AGAP1: variants seen among roughly 807,000 people sequenced by gnomAD.
AGAP1 encodes arf-GAP with GTPase, ANK repeat and PH domain-containing protein 1.
A neutral mutation model predicts 105.3 loss-of-function variants in AGAP1; 29 were observed. The ratio of observed to expected loss-of-function variants is 0.28; its 90% CI spans 0.21 to 0.38. The LOEUF (loss-of-function observed/expected upper bound fraction) is 0.38. AGAP1 is among the 10% of genes least tolerant of loss of function. The probability of loss-of-function intolerance (pLI) is 1.00; values close to 1 mark genes in which losing one functional copy is unlikely to be tolerated. For synonymous variants in AGAP1, 509 were observed against 485.9 expected, an observed-to-expected ratio of 1.05 and a Z score of -0.63; for missense variants, 998 against 1,165.1, an observed-to-expected ratio of 0.86 and a Z score of 2.09.
Position 235,663,583 on chromosome 2 carries a change from C to A in AGAP1, c.164-45596C>A. 6.6e-6 allele frequency among the ~76,000 whole-genome samples: 1 copy of A among 152,214 alleles called. No individual in the cohort carries two copies. The highest frequency in any genetic ancestry group is 2.4e-5 in the African/African-American group (1 of 41,540). On this transcript the variant is annotated intron_variant, in intron 1 of 17. Transcript: ENST00000304032. The surrounding 1 kb of genome is among the most constrained non-coding windows in gnomAD (Gnocchi z 5.4). ...ATGGGGCTGGCAAAAATTCCCAGGG[C>A]ATCGTTTGTGGCCTCAATGTGATTT...
rs867353968 is a variant in AGAP1, at chr2:235,732,092, C to T, written c.311-8871C>T. ...ACATTTTCCTGGTGTATCGCGTGCA[C>T]TTTTGATCTGCGGATTCAGATCTTT... On this transcript the variant is annotated intron_variant, in intron 3 of 17. Transcript: ENST00000304032. This position sits in a 1 kb window ranked among gnomAD's most constrained non-coding sequence, Gnocchi z 4.8. 8.5e-5 allele frequency among the ~76,000 whole-genome samples: 13 copies of T among 152,286 alleles called. No individual in the cohort carries two copies. Among genetic ancestry groups the T allele is most frequent in the African/African-American group, 2.9e-4 (12 of 41,562 alleles).
Position 235,614,997 on chromosome 2 carries a change from G to A in AGAP1, c.164-94182G>A, listed in dbSNP as rs1051082361. Among the ~76,000 whole-genome samples, 1 of 152,204 alleles carries A rather than the reference G, an allele frequency of 6.6e-6. No individual in the cohort carries two copies. On this transcript the variant is annotated intron_variant, in intron 1 of 17. Transcript: ENST00000304032. This position sits in a 1 kb window ranked among gnomAD's most constrained non-coding sequence, Gnocchi z 4.7. ...CCTGTGTGTGGTGCGCTCAAATAAA[G>A]GAGGCTGTTCAAGGTGAGTGGTTTT...
chr2:235,704,981 T>C (rs1403150855), intron 1 of AGAP1, among the ~76,000 whole-genome samples: 1 of 132,812 alleles, frequency 7.5e-6, no homozygotes, highest in African/African-American at 2.9e-5. Flanking sequence ...TTTTTTTTTT[T>C]TTTTTTTTTT....
rs191939859 is a variant in AGAP1 at position 236,102,277 on chromosome 2, C to T, written c.2115-17915C>T. Among the ~76,000 whole-genome samples, 716 of 151,754 alleles carry T rather than the reference C, an allele frequency of 4.7e-3. 10 individuals carry two copies. The highest frequency in any genetic ancestry group is 0.016 in the African/African-American group (674 of 41,464). On this transcript the variant is annotated intron_variant, in intron 16 of 17. Transcript: ENST00000304032. ...CTAAAAATACAAAAAATTAGCCGGG[C>T]GTGGTGGCGGGTGCCTGTGGTCCGA...
chr2:235,763,645 TGTCCTAATTCA>T (rs1954653419), intron 6 of AGAP1, among the ~76,000 whole-genome samples: 1 of 152,208 alleles, frequency 6.6e-6, no homozygotes, highest in East Asian at 1.9e-4. Flanking sequence ...CCAGGAGACC[TGTCCTAATTCA>T]GCGTTCTCCA....
chr2:235,940,889 A>G (rs964937656), intron 12 of AGAP1, among the ~76,000 whole-genome samples: 1 of 152,166 alleles, frequency 6.6e-6, no homozygotes, highest in African/African-American at 2.4e-5. Context: ...ATTGCACGGT[A>G]ATATGCTGAG....
rs998016198 is a variant in AGAP1 at position 235,993,455 on chromosome 2, T to C, written c.1645+24832T>C. Among the ~76,000 whole-genome samples, 2 of 152,224 alleles carry C rather than the reference T, an allele frequency of 1.3e-5. No individual in the cohort carries two copies. On this transcript the variant is annotated intron_variant, in intron 13 of 17. Transcript: ENST00000304032. The surrounding 1 kb of genome is among the most constrained non-coding windows in gnomAD (Gnocchi z 5.0). The stretch of plus-strand genomic sequence containing the variant: ...GTGGTATGTCCCTGATGGAAACTGC[T>C]TCTCAAAGTGGAAGACAGGGAGCAC...
In AGAP1 at chr2:235,686,552, T is replaced by TAC. The variant is rs1464294088; in HGVS notation, c.164-22626_164-22625insCA. On this transcript the variant is annotated intron_variant, in intron 1 of 17. Coordinates refer to ENST00000304032, the MANE Select transcript of AGAP1 (RefSeq NM_001037131.3). ...TTCTGGTTCCCAGGAAGGAGATATATATATACACACACACACACACACACA... is the reference window on the plus strand; with the variant it reads ...TTCTGGTTCCCAGGAAGGAGATATATACATATACACACACACACACACACACA... 6.8e-4 allele frequency among the ~76,000 whole-genome samples: 37 copies of TAC among 54,342 alleles called. 1 individual carries two copies. Among genetic ancestry groups the TAC allele is most frequent in the African/African-American group, 2.1e-3 (34 of 16,274 alleles). 35.7% of individuals were successfully genotyped at this position (54,342 alleles called of 152,430 possible). A position where few individuals can be genotyped will look rare whatever the true frequency, so the allele number is the denominator to read the frequency against.
chr2:235,900,781 C>T lies in AGAP1; in HGVS notation c.1156-7957C>T, dbSNP rs1432914848. On this transcript the variant is annotated intron_variant, in intron 10 of 17. Coordinates refer to ENST00000304032, the MANE Select transcript of AGAP1 (RefSeq NM_001037131.3). The surrounding 1 kb of genome is among the most constrained non-coding windows in gnomAD (Gnocchi z 5.5). ...GAGCTGTTTGCCTCTGTGCATGCTA[C>T]ACATCTGATTGGCCAGGTGCCTTCC... Among the ~76,000 whole-genome samples the T allele has an allele frequency of 6.6e-6, 1 of 152,204 alleles. No individual in the cohort carries two copies. Among genetic ancestry groups the T allele is most frequent in the Non-Finnish European group, 1.5e-5 (1 of 68,044 alleles).
At chr2:235,813,613 C>A (rs563968268) in intron 9 of AGAP1, among the ~76,000 whole-genome samples, 1 of 152,348 alleles carries the variant, frequency 6.6e-6, no homozygotes, top group East Asian at 1.9e-4. Flanking sequence ...GGGCTCCGAT[C>A]CCACAGCATG....
chr2:235,703,041 C>T, intron 1 of AGAP1, among the ~76,000 whole-genome samples: 1 of 149,636 alleles, frequency 6.7e-6, no homozygotes. Context: ...AATTCTCCTG[C>T]CCCAGCCTCC....
chr2:235,667,726 T>C (rs934304682), intron 1 of AGAP1, among the ~76,000 whole-genome samples: 4 of 152,108 alleles, frequency 2.6e-5, no homozygotes, highest in Non-Finnish European at 4.4e-5. Flanking sequence ...TCTGGGAGGC[T>C]GAGGTGGGCA....
chr2:235,679,595 A>T (rs1948952405), intron 1 of AGAP1, among the ~76,000 whole-genome samples: 2 of 152,118 alleles, frequency 1.3e-5, no homozygotes, highest in African/African-American at 4.8e-5. Flanking sequence ...AGGAGTAGCG[A>T]TTACTTGGCA....
rs75965411 is a variant in AGAP1 at position 235,883,322 on chromosome 2, A to G, written c.1051-23A>G. 2.0e-3 allele frequency: 3,155 copies of G among 1,602,856 alleles called. 57 individuals are homozygous for G. In the African/African-American group the frequency reaches 0.036, roughly 18 times the overall value. The stretch of plus-strand genomic sequence containing the variant: ...TTTTTTTATTTACATTAGAATTTCT[A>G]TTTGGCTCTTTTTCCCTTGTAGGGC... On this transcript the variant is annotated intron_variant, in intron 9 of 17. Coordinates refer to ENST00000304032, the MANE Select transcript of AGAP1 (RefSeq NM_001037131.3). This position sits in a 1 kb window ranked among gnomAD's most constrained non-coding sequence, Gnocchi z 4.5.
At chr2:236,108,136 G>A (rs756506334) in intron 16 of AGAP1, among the ~76,000 whole-genome samples, 2 of 152,160 alleles carry the variant, frequency 1.3e-5, no homozygotes, top group Non-Finnish European at 2.9e-5. Context: ...CCGTCCCTCC[G>A]CCTGACCCCC....
chr2:236,044,950 C>T lies in AGAP1; in HGVS notation c.1891+4109C>T, dbSNP rs1009899914. Among the ~76,000 whole-genome samples the T allele has an allele frequency of 5.9e-5, 9 of 152,252 alleles. No individual in the cohort carries two copies. Among genetic ancestry groups the T allele is most frequent in the East Asian group, 1.9e-4 (1 of 5,160 alleles). On this transcript the variant is annotated intron_variant, in intron 15 of 17. Coordinates refer to ENST00000304032, the MANE Select transcript of AGAP1 (RefSeq NM_001037131.3). This position sits in a 1 kb window ranked among gnomAD's most constrained non-coding sequence, Gnocchi z 5.7. ...GCAGCAGAAAGGGTAGGCTGCCTCT[C>T]GGGGCCTGTCCATGATTGCAGCAGT... is the stretch of plus-strand genomic sequence containing the variant.
intron 1 of AGAP1, among the ~76,000 whole-genome samples, chr2:235,668,001 C>G (rs961540144): frequency 1.1e-4 from 15 of 133,118 alleles, no homozygotes; most frequent in African/African-American, 4.1e-4. Flanking sequence ...TTTATTGAAA[C>G]TCAAAAGGTA....
chr2:235,859,688 T>C (rs1313217870), intron 9 of AGAP1, among the ~76,000 whole-genome samples: 4 of 152,196 alleles, frequency 2.6e-5, no homozygotes. Context: ...GCATTACTTT[T>C]ATCTGTAGAA....
rs752225268 is a variant in AGAP1, at chr2:236,106,135, GGGGCCCTA to G, written c.2115-14054_2115-14047del. Among the ~76,000 whole-genome samples, 10 of 152,352 alleles carry G rather than the reference GGGGCCCTA, an allele frequency of 6.6e-5. No homozygotes were observed. The East Asian group carries it at 1.5e-3, about 24-fold the overall frequency. ...CTTGGCTGGCTGGCTGGCAGCCTTT[GGGGCCCTA>G]GGCATCAGGATGTCTGCTCTGTTTG... On this transcript the variant is annotated intron_variant, in intron 16 of 17. Transcript: ENST00000304032.
Sources: gnomAD v4.1 joint callset for allele counts (sites outside exome capture counted in the v4.1 genomes callset) on GRCh38, gnomAD v4.1.1 for gene constraint, Gnocchi (gnomAD v3.1) non-coding constraint, MANE v1.5 for transcripts, NCBI Gene and HGNC (gene_info 2026-07-23, HGNC 2026-07-21) for gene names.